UAP1L1: variants seen among roughly 807,000 people sequenced by gnomAD.
UAP1L1 encodes the protein UDP-N-acetylhexosamine pyrophosphorylase-like protein 1.
A neutral mutation model predicts 45.3 loss-of-function variants in UAP1L1; 45 were observed. That is an observed-to-expected ratio of 0.99 (90% CI 0.78 to 1.27). The LOEUF (loss-of-function observed/expected upper bound fraction) is 1.27. Ranked by LOEUF, UAP1L1 falls within the 50% of genes most tolerant of loss-of-function variation. The pLI is 0.00. For missense variants in UAP1L1, 667 were observed against 694.0 expected, an observed-to-expected ratio of 0.96 and a Z score of 0.44; for synonymous variants, 323 against 303.9, an observed-to-expected ratio of 1.06 and a Z score of -0.65.
chr9:137,078,307 C>A lies in UAP1L1; in HGVS notation c.494+53C>A. 28 of 1,512,630 alleles carry A rather than the reference C, an allele frequency of 1.9e-5. No individual in the cohort carries two copies. The South Asian group carries it at 3.3e-4, about 18-fold the overall frequency. 93.7% of individuals were successfully genotyped at this position (1,512,630 alleles called of 1,614,324 possible). A position where few individuals can be genotyped will look rare whatever the true frequency, so the allele number is the denominator to read the frequency against. ...CGGAGGTACCCTTCCCCACGCCCCCCCACATCCCCGCTCCAGACGCGAGCC... is the reference window on the plus strand; with the variant it reads ...CGGAGGTACCCTTCCCCACGCCCCCACACATCCCCGCTCCAGACGCGAGCC... On this transcript the variant is annotated intron_variant, in intron 2 of 8. Coordinates refer to ENST00000409858, the MANE Select transcript of UAP1L1 (RefSeq NM_207309.3).
rs774338398 is a variant in UAP1L1 at position 137,078,961 on chromosome 9, C to T, written c.671-15C>T. On this transcript the variant is annotated splice_polypyrimidine_tract_variant and intron_variant, in intron 3 of 8. Coordinates refer to ENST00000409858, the MANE Select transcript of UAP1L1 (RefSeq NM_207309.3). ...CGGGAGCCCTCGCGATGCCCATTCC[C>T]TTCTCCGTCTGCAGACGGCAACGGG... is the stretch of plus-strand genomic sequence containing the variant. The T allele has an allele frequency of 1.3e-6, 2 of 1,577,220 alleles. No individual in the cohort carries two copies. The highest frequency in any genetic ancestry group is 1.4e-5 in the African/African-American group (1 of 72,742).
In UAP1L1 at chr9:137,078,651, G is replaced by T; in HGVS notation, c.644G>T (p.Arg215Leu). 1 of 1,612,630 alleles carries T rather than the reference G, an allele frequency of 6.2e-7. No homozygotes were observed. The highest frequency in any genetic ancestry group is 8.5e-7 in the Non-Finnish European group (1 of 1,179,724). ...VTFDGKVILE[R>L]KDKVAMAPDG... ...TTTGATGGCAAGGTTATCCTGGAGC[G>T]GAAAGACAAAGTTGCCATGGCCCCA... Residue 215 changes from arginine to leucine, a missense_variant, in exon 3 of 9, where the codon CGG becomes CTG. Arg to Leu is a moderately radical substitution (Grantham distance 102, BLOSUM62 -2). Coordinates refer to ENST00000409858, the MANE Select transcript of UAP1L1 (RefSeq NM_207309.3).
chr9:137,077,642 A>C lies in UAP1L1; in HGVS notation c.110A>C (p.Glu37Ala). The C allele has an allele frequency of 6.1e-6, 8 of 1,311,868 alleles. No homozygotes were observed. The highest frequency in any genetic ancestry group is 7.9e-6 in the Non-Finnish European group (8 of 1,017,886). The allele number at this position is 1,311,868 out of a possible 1,614,324, so 81.3% of individuals were successfully genotyped here. A position where few individuals can be genotyped will look rare whatever the true frequency, so the allele number is the denominator to read the frequency against. Residue 37 changes from glutamate to alanine, a missense_variant, in exon 1 of 9, where the codon GAG (glutamate) becomes GCG (alanine). By Grantham distance (107) the Glu-to-Ala change is moderately radical. Transcript: ENST00000409858. This position sits in a 1 kb window ranked among gnomAD's most constrained non-coding sequence, Gnocchi z 4.7. ...APEPRAALLA[E>A]LALLEPEALR... ...GAGCCACGAGCCGCGCTGCTGGCGG[A>C]GCTGGCGCTGCTGGAGCCCGAGGCG... is the stretch of plus-strand genomic sequence containing the variant.
Position 137,079,324 on chromosome 9 carries a change from G to T in UAP1L1, c.912G>T (p.Val304=), listed in dbSNP as rs747063408. The T allele has an allele frequency of 6.2e-7, 1 of 1,613,224 alleles. No individual in the cohort carries two copies. ...VVCQVDGVPQ[V]VEYSEISPET... ...GCCAGGTGGACGGTGTCCCCCAGGTGGTGGAGTACAGCGAGATCAGTCCTG... is the reference window on the plus strand; with the variant it reads ...GCCAGGTGGACGGTGTCCCCCAGGTTGTGGAGTACAGCGAGATCAGTCCTG... The change falls in exon 5 of 9, where the codon GTG becomes GTT. Residue 304 remains valine (V), a synonymous_variant. Coordinates refer to ENST00000409858, the MANE Select transcript of UAP1L1 (RefSeq NM_207309.3).
chr9:137,078,318 C>T (rs1832727427), intron 2 of UAP1L1, 64 bp downstream of exon 2: 2 of 1,515,900 alleles, frequency 1.3e-6, no homozygotes, highest in Non-Finnish European at 1.8e-6. Context: ...CACATCCCCG[C>T]TCCAGACGCG....
Position 137,083,461 on chromosome 9 carries a change from A to G in UAP1L1, c.*732A>G, listed in dbSNP as rs1832824129. 1 of 152,372 alleles carries G rather than the reference A, an allele frequency of 6.6e-6. No individual in the cohort carries two copies. Among genetic ancestry groups the G allele is most frequent in the Non-Finnish European group, 1.5e-5 (1 of 68,188 alleles). The allele number at this position is 152,372 out of a possible 1,614,324, so 9.4% of individuals were successfully genotyped here. On this transcript the variant is annotated 3_prime_UTR_variant, in exon 9 of 9. Transcript: ENST00000409858. ...TCTATCCCCAAGGCCTCTGCCTCTC[A>G]GCCTCTTCCATGGTCGGTTTAGGCT...
At chr9:137,081,926 G>T in intron 7 of UAP1L1, 72 bp from the exon 8 acceptor site, 2 of 1,442,414 alleles carry the variant, frequency 1.4e-6, no homozygotes, top group South Asian at 1.2e-5. Context: ...GTCTCCTATC[G>T]GGACTGGGGG....
In UAP1L1 at chr9:137,078,735, TG is replaced by T. The variant is rs1372713784; in HGVS notation, c.670+63del. 7.2e-6 allele frequency: 11 copies of T among 1,537,792 alleles called. No individual in the cohort carries two copies. In the Admixed American group the frequency reaches 1.8e-4, roughly 25 times the overall value. On this transcript the variant is annotated intron_variant, in intron 3 of 8. Transcript: ENST00000409858. ...CCCAGACTAGAACTGGGAGCGTAGT[TG>T]GGGGTCCACGCGCCCGGGTTCGCGG...
rs879411811 is a variant in UAP1L1, at chr9:137,081,773, C to T, written c.1365-225C>T. 1.1e-4 allele frequency among the ~76,000 whole-genome samples: 16 copies of T among 152,292 alleles called. No individual in the cohort carries two copies. In the South Asian group the frequency reaches 2.5e-3, roughly 24 times the overall value. On this transcript the variant is annotated intron_variant, in intron 7 of 8. Coordinates refer to ENST00000409858, the MANE Select transcript of UAP1L1 (RefSeq NM_207309.3). ...CCTAAATCTAGCTGCCTAGGCTCTG[C>T]GTGGGAGGCCTGTGGGGGTGCTTTC...
chr9:137,080,485 C>T (rs910209891), intron 6 of UAP1L1: 5 of 623,870 alleles, frequency 8.0e-6, no homozygotes, highest in East Asian at 5.8e-5. Flanking sequence ...GTTGGGCCTT[C>T]GGCTGCTGGA....
intron 7 of UAP1L1, among the ~76,000 whole-genome samples, chr9:137,081,262 G>A (rs1004964123): frequency 6.6e-6 from 1 of 151,638 alleles, no homozygotes; most frequent in Admixed American, 6.6e-5. Flanking sequence ...TGCAGTGGTG[G>A]GATCTCGGCT....
rs1269801350 is a variant in UAP1L1 at position 137,078,990 on chromosome 9, C to G, written c.685C>G (p.Leu229Val). Residue 229 changes from leucine (L) to valine (V), a missense_variant, in exon 4 of 9, where the codon CTC becomes GTC. Physicochemically the swap from Leu to Val is conservative, Grantham distance 32. Transcript: ENST00000409858. Reference sequence around the variant, plus strand: ...TCCGTCTGCAGACGGCAACGGGGGCCTCTACTGCGCGCTGGAGGACCACAA... The same window carrying G: ...TCCGTCTGCAGACGGCAACGGGGGCGTCTACTGCGCGCTGGAGGACCACAA... ...VAMAPDGNGG[L>V]YCALEDHKIL... The G allele has an allele frequency of 6.3e-7, 1 of 1,590,508 alleles. No individual in the cohort carries two copies. Among genetic ancestry groups the G allele is most frequent in the Non-Finnish European group, 8.5e-7 (1 of 1,173,742 alleles).
intron 3 of UAP1L1, 109 bp from the exon 4 acceptor site, chr9:137,078,867 C>A: frequency 7.2e-7 from 1 of 1,390,938 alleles, no homozygotes; most frequent in Non-Finnish European, 9.6e-7. Flanking sequence ...GTGACCAGGG[C>A]TGCCTTAGGC....
At position 137,082,601 on chromosome 9, in the gene UAP1L1, G is replaced by T; in HGVS notation, c.1432-36G>T. On this transcript the variant is annotated intron_variant, in intron 8 of 8. Coordinates refer to ENST00000409858, the MANE Select transcript of UAP1L1 (RefSeq NM_207309.3). This position sits in a 1 kb window ranked among gnomAD's most constrained non-coding sequence, Gnocchi z 5.7. ...CAGAGGGGCTGTGACCCGCCAAAAGGTGGGTACTTGGCCATTGTCCCCTGC... is the reference window on the plus strand; with the variant it reads ...CAGAGGGGCTGTGACCCGCCAAAAGTTGGGTACTTGGCCATTGTCCCCTGC... 1 of 1,520,646 alleles carries T rather than the reference G, an allele frequency of 6.6e-7. No individual in the cohort carries two copies. Among genetic ancestry groups the T allele is most frequent in the South Asian group, 1.2e-5 (1 of 83,432 alleles). 94.2% of individuals were successfully genotyped at this position (1,520,646 alleles called of 1,614,324 possible).
intron 6 of UAP1L1, 196 bp from the exon 7 acceptor site, chr9:137,080,493 G>A (rs2131542744): frequency 1.6e-6 from 1 of 632,524 alleles, no homozygotes; most frequent in South Asian, 2.1e-5. Flanking sequence ...TTCGGCTGCT[G>A]GAAATGGCTG....
intron 3 of UAP1L1, 71 bp downstream of exon 3, chr9:137,078,748 G>T: frequency 7.3e-6 from 11 of 1,508,074 alleles, no homozygotes; most frequent in Non-Finnish European, 8.9e-6. Context: ...GGGTCCACGC[G>T]CCCGGGTTCG....
chr9:137,078,997 G>C lies in UAP1L1; in HGVS notation c.692G>C (p.Cys231Ser), dbSNP rs1468383877. ...MAPDGNGGLY[C>S]ALEDHKILED... The stretch of plus-strand genomic sequence containing the variant: ...GCAGACGGCAACGGGGGCCTCTACT[G>C]CGCGCTGGAGGACCACAAGATCCTG... Residue 231 changes from cysteine (C) to serine (S), a missense_variant, in exon 4 of 9, where the codon TGC becomes TCC. Physicochemically the swap from Cys to Ser is moderately radical, Grantham distance 112 (BLOSUM62 -1). Coordinates refer to ENST00000409858, the MANE Select transcript of UAP1L1 (RefSeq NM_207309.3). 6.3e-7 allele frequency: 1 copy of C among 1,596,558 alleles called. No homozygotes were observed. The highest frequency in any genetic ancestry group is 1.1e-5 in the South Asian group (1 of 88,310).
Position 137,080,123 on chromosome 9 carries a change from G to A in UAP1L1, c.1159G>A (p.Asp387Asn). 6.2e-7 allele frequency: 1 copy of A among 1,614,176 alleles called. No individual in the cohort carries two copies. Residue 387 changes from aspartate (D) to asparagine (N), a missense_variant, in exon 6 of 9, where the codon GAT becomes AAT. By Grantham distance (23) the Asp-to-Asn change is conservative. Transcript: ENST00000409858. ...NGIKMEKFVF[D>N]VFRFAKNFAA... is the part of the protein sequence containing the mutation. Reference sequence around the variant, plus strand: ...GATAAAGATGGAGAAGTTTGTGTTTGATGTGTTCCGGTTTGCTAAGTTAGT... The same window carrying A: ...GATAAAGATGGAGAAGTTTGTGTTTAATGTGTTCCGGTTTGCTAAGTTAGT...
In UAP1L1 at chr9:137,082,105, A is replaced by G. The variant is rs370361757; in HGVS notation, c.1431+41A>G. The G allele has an allele frequency of 1.9e-6, 3 of 1,602,716 alleles. No homozygotes were observed. The highest frequency in any genetic ancestry group is 2.2e-5 in the East Asian group (1 of 44,824). On this transcript the variant is annotated intron_variant, in intron 8 of 8. Transcript: ENST00000409858. The surrounding 1 kb of genome is among the most constrained non-coding windows in gnomAD (Gnocchi z 5.7). ...CCCTATCTGGGGCTTTTCTGGTGTC[A>G]GGTTTGGAATACCATCTGGGGAGAG...
Sources: gnomAD v4.1 joint callset for allele counts (sites outside exome capture counted in the v4.1 genomes callset) on GRCh38, gnomAD v4.1.1 for gene constraint, Gnocchi (gnomAD v3.1) non-coding constraint, MANE v1.5 for transcripts, NCBI Gene and HGNC (gene_info 2026-07-23, HGNC 2026-07-21) for gene names.